The following ALDH1A1 variants were observed in gnomAD, a reference collection of about 807,000 sequenced individuals.
The protein encoded by ALDH1A1 is aldehyde dehydrogenase 1 family member A1, also known as aldehyde dehydrogenase 1A1.
Under a neutral mutation model 62.1 loss-of-function variants are expected in ALDH1A1, and 19 were observed. The ratio of observed to expected loss-of-function variants is 0.31; its 90% CI spans 0.21 to 0.45. The LOEUF (loss-of-function observed/expected upper bound fraction) is 0.45. Ranked by LOEUF, ALDH1A1 falls within the 20% of genes least tolerant of loss-of-function variation. The pLI is 1.00. For missense variants in ALDH1A1, 521 were observed against 607.1 expected (o/e 0.86, Z 1.49); for synonymous variants, 231 against 215.9 (o/e 1.07, Z -0.61).
chr9:72,912,232 C>A (rs918141066), intron 9 of ALDH1A1, 110 bp from the exon 10 acceptor site: 1 of 830,050 alleles, frequency 1.2e-6, no homozygotes, highest in Non-Finnish European at 1.9e-6. Flanking sequence ...GCAATTAAAC[C>A]AAATATTGAA....
chr9:72,934,976 C>T (rs1830330989), intron 2 of ALDH1A1, among the ~76,000 whole-genome samples: 1 of 152,082 alleles, frequency 6.6e-6, no homozygotes, highest in Non-Finnish European at 1.5e-5. Flanking sequence ...ATATTTCTTA[C>T]AATTCTGGGT....
intron 2 of ALDH1A1, among the ~76,000 whole-genome samples, chr9:72,931,909 C>T (rs777143642): frequency 1.1e-3 from 173 of 152,158 alleles, no homozygotes; most frequent in Non-Finnish European, 2.0e-3. Flanking sequence ...AGTGTAGCCT[C>T]CTGTCCTTCA....
intron 11 of ALDH1A1, among the ~76,000 whole-genome samples, chr9:72,908,553 AAGAAAG>A (rs1292854626): frequency 5.8e-4 from 2 of 3,446 alleles, no homozygotes; most frequent in Non-Finnish European, 7.0e-4. Context: ...GAAAAGAAAG[AAGAAAG>A]AAAGAAAGAA....
rs912801647 is a variant in ALDH1A1 at position 72,900,889 on chromosome 9, T to C, written c.*319A>G. On this transcript the variant is annotated 3_prime_UTR_variant, in exon 13 of 13. Coordinates refer to ENST00000297785, the MANE Select transcript of ALDH1A1 (RefSeq NM_000689.5). ...GAAAGAAGCTAAATGCAACTGTTCCTTTTCTATAAAATTATTATCCTGCAA... is the reference window on the plus strand; with the variant it reads ...GAAAGAAGCTAAATGCAACTGTTCCCTTTCTATAAAATTATTATCCTGCAA... 2 of 203,048 alleles carry C rather than the reference T, an allele frequency of 9.8e-6. No homozygotes were observed. Among genetic ancestry groups the C allele is most frequent in the Non-Finnish European group, 2.0e-5 (2 of 99,554 alleles). The allele number at this position is 203,048 out of a possible 1,614,324, so 12.6% of individuals were successfully genotyped here. A position where few individuals can be genotyped will look rare whatever the true frequency, so the allele number is the denominator to read the frequency against.
intron 1 of ALDH1A1, among the ~76,000 whole-genome samples, chr9:72,949,685 A>G (rs985661292): frequency 3.3e-5 from 5 of 150,602 alleles, no homozygotes; most frequent in Admixed American, 2.7e-4. Context: ...GTGTGTGTGT[A>G]TGTATGAGTA....
intron 11 of ALDH1A1, among the ~76,000 whole-genome samples, chr9:72,906,818 A>G (rs1379803674): frequency 6.6e-6 from 1 of 152,180 alleles, no homozygotes; most frequent in Non-Finnish European, 1.5e-5. Flanking sequence ...AAGGAGATTT[A>G]TGTTTATACT....
chr9:72,910,280 A>G (rs937940487), intron 10 of ALDH1A1, among the ~76,000 whole-genome samples: 1 of 152,190 alleles, frequency 6.6e-6, no homozygotes, highest in Non-Finnish European at 1.5e-5. Context: ...TACTGTACTC[A>G]GTAGAATAGT....
At chr9:72,946,059 A>T (rs968407767) in intron 1 of ALDH1A1, among the ~76,000 whole-genome samples, 1 of 151,898 alleles carries the variant, frequency 6.6e-6, no homozygotes, top group Non-Finnish European at 1.5e-5. Context: ...GTTTTGAGCC[A>T]CTCCATCACT....
At chr9:72,917,199 G>A (rs779420905) in intron 8 of ALDH1A1, 95 bp from the exon 9 acceptor site, 1 of 1,017,640 alleles carries the variant, frequency 9.8e-7, no homozygotes, top group Non-Finnish European at 1.3e-6. Context: ...GAAAAATTAT[G>A]AGTTGTGTAG....
intron 2 of ALDH1A1, among the ~76,000 whole-genome samples, chr9:72,935,052 A>G (rs1446690217): frequency 6.6e-6 from 1 of 152,176 alleles, no homozygotes; most frequent in Non-Finnish European, 1.5e-5. Flanking sequence ...ATCATGTTGT[A>G]CTGATTTTAT....
chr9:72,950,275 G>A (rs1000173214), intron 1 of ALDH1A1, among the ~76,000 whole-genome samples: 1 of 151,842 alleles, frequency 6.6e-6, no homozygotes, highest in African/African-American at 2.4e-5. Context: ...CCGAGGCAGA[G>A]AGAAGTAATG....
At chr9:72,944,774 T>A (rs1830457230) in intron 1 of ALDH1A1, among the ~76,000 whole-genome samples, 1 of 152,120 alleles carries the variant, frequency 6.6e-6, no homozygotes, top group African/African-American at 2.4e-5. Context: ...CCATTATATA[T>A]TAACTCAATT....
rs148685025 is a variant in ALDH1A1 at position 72,950,419 on chromosome 9, G to A, written c.66+2516C>T. 3.4e-3 allele frequency among the ~76,000 whole-genome samples: 519 copies of A among 151,918 alleles called. 5 individuals are homozygous for A. The highest frequency in any genetic ancestry group is 3.9e-3 in the Non-Finnish European group (268 of 67,856). ...AAGGATGGGATATGAGTTCATATTA[G>A]TGAATTTATAGCGATGTTTTTGAGG... is the stretch of plus-strand genomic sequence containing the variant. On this transcript the variant is annotated intron_variant, in intron 1 of 12. Coordinates refer to ENST00000297785, the MANE Select transcript of ALDH1A1 (RefSeq NM_000689.5).
intron 9 of ALDH1A1, among the ~76,000 whole-genome samples, chr9:72,913,635 A>G (rs1044796928): frequency 6.6e-6 from 1 of 152,218 alleles, no homozygotes; most frequent in Admixed American, 6.5e-5. Flanking sequence ...AACCAGTGCC[A>G]ATCAAATCCC....
At chr9:72,908,873 G>A (rs1829941240) in intron 11 of ALDH1A1, among the ~76,000 whole-genome samples, 1 of 151,654 alleles carries the variant, frequency 6.6e-6, no homozygotes, top group Admixed American at 6.6e-5. Flanking sequence ...GGAGAGGGAG[G>A]GTATCTTCAA....
rs1203213411 is a variant in ALDH1A1, at chr9:72,940,162, C to G, written c.157G>C (p.Glu53Gln). The G allele has an allele frequency of 6.2e-7, 1 of 1,612,746 alleles. No individual in the cohort carries two copies. The highest frequency in any genetic ancestry group is 8.5e-7 in the Non-Finnish European group (1 of 1,178,934). ...CAGAAACTCACCTTATCTCCTTCTT[C>G]TACCTGGCAGAGCTCCTCCTCAGTT... The part of the protein sequence containing the change: ...PATEEELCQV[E>Q]EGDKEDVDKA... Residue 53 changes from glutamate (E) to glutamine (Q), a missense_variant, in exon 2 of 13, where the codon GAA becomes CAA. Transcript: ENST00000297785.
chr9:72,947,497 A>G (rs1282642954), intron 1 of ALDH1A1, among the ~76,000 whole-genome samples: 1 of 152,024 alleles, frequency 6.6e-6, no homozygotes, highest in Admixed American at 6.6e-5. Context: ...TCTTTCAACC[A>G]CAGTAAGGAA....
intron 9 of ALDH1A1, among the ~76,000 whole-genome samples, chr9:72,913,465 G>T (rs1830017179): frequency 6.6e-6 from 1 of 152,110 alleles, no homozygotes; most frequent in African/African-American, 2.4e-5. Flanking sequence ...AGGTATTCTA[G>T]TTTCTCAATA....
At chr9:72,921,503 C>CTTTTTTTTTTTTTTTTTTATTTT (rs11327072) in intron 7 of ALDH1A1, among the ~76,000 whole-genome samples, 7 of 109,498 alleles carry the variant, frequency 6.4e-5, no homozygotes, top group East Asian at 2.8e-4. Context: ...ACATTTAATT[C>CTTTTTTTTTTTTTTTTTTATTTT]TTTTTTTTTT....
Sources: allele counts gnomAD v4.1 joint callset (sites outside exome capture counted in the v4.1 genomes callset), GRCh38; gene constraint gnomAD v4.1.1; transcripts MANE v1.5; gene names NCBI Gene and HGNC (gene_info 2026-07-23, HGNC 2026-07-21).